The following DLGAP4 variants were observed in gnomAD, a reference collection of about 807,000 sequenced individuals.
DLGAP4 encodes the protein disks large-associated protein 4.
DLGAP4 carries 18 observed loss-of-function variants against 86.9 expected under a neutral mutation model. The observed-to-expected ratio is 0.21, with a 90% CI of 0.14 to 0.31. The LOEUF is 0.31. DLGAP4 is among the 10% of genes least tolerant of loss of function. The pLI is 1.00. For missense variants in DLGAP4, 1,085 were observed against 1,362.6 expected, an observed-to-expected ratio of 0.80 and a Z score of 3.21; for synonymous variants, 548 against 574.3, an observed-to-expected ratio of 0.95 and a Z score of 0.65.
intron 10 of DLGAP4, among the ~76,000 whole-genome samples, chr20:36,509,442 G>A (rs2036564049): frequency 6.6e-6 from 1 of 151,956 alleles, no homozygotes; most frequent in South Asian, 2.1e-4. Flanking sequence ...GTGGTGGCAG[G>A]CGCCTGTAAT....
intron 1 of DLGAP4, among the ~76,000 whole-genome samples, chr20:36,340,791 G>A (rs947260177): frequency 6.2e-4 from 94 of 152,322 alleles, no homozygotes; most frequent in African/African-American, 2.2e-3. Flanking sequence ...GGGGGCTGTC[G>A]GGAGCCAAAG....
intron 7 of DLGAP4, among the ~76,000 whole-genome samples, chr20:36,493,939 G>A (rs560892308): frequency 6.6e-6 from 1 of 152,220 alleles, no homozygotes; most frequent in Non-Finnish European, 1.5e-5. Flanking sequence ...CCAGCTGAAC[G>A]CAGTTGCTCC....
At chr20:36,387,659 T>A (rs1304474111) in intron 2 of DLGAP4, among the ~76,000 whole-genome samples, 1 of 152,252 alleles carries the variant, frequency 6.6e-6, no homozygotes, top group African/African-American at 2.4e-5. Context: ...TAATCAAGTT[T>A]AGGTCTTTTA....
chr20:36,312,377 A>G (rs1183256789), intron 1 of DLGAP4, among the ~76,000 whole-genome samples: 5 of 148,442 alleles, frequency 3.4e-5, no homozygotes, highest in Admixed American at 2.6e-4. Context: ...GAACACACGC[A>G]CACACACACA....
chr20:36,411,686 G>T (rs1290350911), intron 2 of DLGAP4, among the ~76,000 whole-genome samples: 2 of 152,134 alleles, frequency 1.3e-5, no homozygotes, highest in African/African-American at 4.8e-5. Flanking sequence ...TTTAAATCCA[G>T]AGTTCCTAGA....
At chr20:36,320,818 G>C (rs1251636608) in intron 1 of DLGAP4, among the ~76,000 whole-genome samples, 1 of 152,150 alleles carries the variant, frequency 6.6e-6, no homozygotes, top group Non-Finnish European at 1.5e-5. Context: ...CCTCTCTGCC[G>C]CCTAAGGCCA....
chr20:36,321,846 G>T (rs2065171996), intron 1 of DLGAP4, among the ~76,000 whole-genome samples: 1 of 152,176 alleles, frequency 6.6e-6, no homozygotes, highest in African/African-American at 2.4e-5. Flanking sequence ...GATCCCCCTC[G>T]ATCTACCTGC....
chr20:36,381,200 G>A (rs1054514587), intron 2 of DLGAP4, among the ~76,000 whole-genome samples: 8 of 152,200 alleles, frequency 5.3e-5, no homozygotes, highest in Non-Finnish European at 1.0e-4. Flanking sequence ...AGCATATATT[G>A]TGTTTTGGGC....
In DLGAP4 at chr20:36,306,933, C is replaced by A. The variant is rs1275994646; in HGVS notation, c.-304+421C>A. On this transcript the variant is annotated intron_variant, in intron 1 of 12. Coordinates refer to ENST00000339266, the MANE Select transcript of DLGAP4 (RefSeq NM_001365621.2). The surrounding 1 kb of genome is among the most constrained non-coding windows in gnomAD (Gnocchi z 4.9). ...TCCGCAGGGCGGCCTGGGGGTCAGG[C>A]GGACCCCTCCCGTGCCCGGCCAACC... Among the ~76,000 whole-genome samples the A allele has an allele frequency of 2.0e-5, 3 of 152,158 alleles. No individual in the cohort carries two copies. Among genetic ancestry groups the A allele is most frequent in the Non-Finnish European group, 2.9e-5 (2 of 68,020 alleles).
chr20:36,430,847 C>T (rs923865368), intron 2 of DLGAP4, among the ~76,000 whole-genome samples: 5 of 151,044 alleles, frequency 3.3e-5, no homozygotes, highest in Admixed American at 6.6e-5. Context: ...CCCAGCTACT[C>T]GGCAGGCTGA....
intron 2 of DLGAP4, among the ~76,000 whole-genome samples, chr20:36,419,605 A>C (rs553971046): frequency 6.6e-6 from 1 of 152,290 alleles, no homozygotes; most frequent in African/African-American, 2.4e-5. Context: ...TTCAGGGGCT[A>C]CTGCCATCCG....
intron 8 of DLGAP4, chr20:36,497,513 T>C (rs907185480): frequency 1.6e-5 from 16 of 997,662 alleles, no homozygotes; most frequent in Non-Finnish European, 1.8e-5. Flanking sequence ...TAGACGCTGT[T>C]GGGCCAGGGG....
chr20:36,515,695 A>G (rs1317971262), intron 10 of DLGAP4, among the ~76,000 whole-genome samples: 3 of 152,138 alleles, frequency 2.0e-5, no homozygotes, highest in African/African-American at 4.8e-5. Flanking sequence ...AAAGTGTTGG[A>G]ATTACAGGCG....
intron 1 of DLGAP4, among the ~76,000 whole-genome samples, chr20:36,341,997 C>T (rs782295578): frequency 1.9e-4 from 29 of 152,196 alleles, no homozygotes; most frequent in Non-Finnish European, 3.1e-4. Context: ...CAGCAGCAGG[C>T]TGTTGGATCG....
At chr20:36,502,634 G>A (rs1018706976) in intron 10 of DLGAP4, among the ~76,000 whole-genome samples, 3 of 152,120 alleles carry the variant, frequency 2.0e-5, no homozygotes, top group Non-Finnish European at 4.4e-5. Flanking sequence ...TTACAGACGT[G>A]AGCCACCACA....
chr20:36,486,569 T>C (rs114171579), intron 7 of DLGAP4, among the ~76,000 whole-genome samples: 2,556 of 152,234 alleles, frequency 0.017, 84 homozygotes, highest in African/African-American at 0.058. Flanking sequence ...CAGTTCCTAT[T>C]GTAGGCTAAG....
At chr20:36,380,246 C>CAAAA (rs869027808) in intron 2 of DLGAP4, among the ~76,000 whole-genome samples, 2 of 124,496 alleles carry the variant, frequency 1.6e-5, no homozygotes, top group African/African-American at 5.8e-5. Context: ...ACAAAAAATA[C>CAAAA]AAAAAAAAAA....
chr20:36,512,079 C>G (rs1453428915), intron 10 of DLGAP4, among the ~76,000 whole-genome samples: 1 of 120,788 alleles, frequency 8.3e-6, no homozygotes, highest in African/African-American at 3.3e-5. Context: ...GAGAGAGAGT[C>G]TTGCTCTGTT....
chr20:36,431,819 G>A lies in DLGAP4; in HGVS notation c.102G>A (p.Leu34=). 6.2e-7 allele frequency: 1 copy of A among 1,613,816 alleles called. No individual in the cohort carries two copies. Among genetic ancestry groups the A allele is most frequent in the Non-Finnish European group, 8.5e-7 (1 of 1,179,918 alleles). ...GGACCGACCGCAACCCCTACCTGCT[G>A]TCGCCCACGGAGGCCTTCGCCCGCG... ...FAGTDRNPYL[L]SPTEAFAREA... is the part of the protein sequence containing the mutation. Residue 34 remains leucine, a synonymous_variant, in exon 3 of 13, where the codon CTG becomes CTA. Coordinates refer to ENST00000339266, the MANE Select transcript of DLGAP4 (RefSeq NM_001365621.2). The surrounding 1 kb of genome is among the most constrained non-coding windows in gnomAD (Gnocchi z 5.1).
Sources: gnomAD v4.1 joint callset for allele counts (sites outside exome capture counted in the v4.1 genomes callset) on GRCh38, gnomAD v4.1.1 for gene constraint, Gnocchi (gnomAD v3.1) non-coding constraint, MANE v1.5 for transcripts, NCBI Gene and HGNC (gene_info 2026-07-23, HGNC 2026-07-21) for gene names.